KIAA2012: variants seen among roughly 807,000 people sequenced by gnomAD.
The protein encoded by KIAA2012 is KIAA2012, also known as uncharacterized protein KIAA2012.
Under a neutral mutation model 150.6 loss-of-function variants are expected in KIAA2012, and 125 were observed. That is an observed-to-expected ratio of 0.83 (90% CI 0.72 to 0.96). KIAA2012 has a LOEUF of 0.96. Among genes scored for constraint, KIAA2012 ranks in the 40% least tolerant of loss-of-function variants. The probability of loss-of-function intolerance (pLI) is 0.00; values close to 1 mark genes in which losing one functional copy is unlikely to be tolerated. For missense variants in KIAA2012, 1,219 were observed against 1,354.9 expected (o/e 0.90, Z 1.57); for synonymous variants, 462 against 504.7 (o/e 0.92, Z 1.13).
intron 15 of KIAA2012, among the ~76,000 whole-genome samples, chr2:202,171,996 G>C (rs1243182225): frequency 6.6e-6 from 1 of 152,108 alleles, no homozygotes. Flanking sequence ...GCAGGCGCCT[G>C]CCACCACGCC....
At position 202,099,659 on chromosome 2, in the gene KIAA2012, G is replaced by T; in HGVS notation, c.875G>T (p.Ser292Ile). The T allele has an allele frequency of 6.4e-7, 1 of 1,550,460 alleles. No homozygotes were observed. Among genetic ancestry groups the T allele is most frequent in the Non-Finnish European group, 8.7e-7 (1 of 1,146,906 alleles). ...NHLCLYASKESYNEKTQQTSR... is the reference protein window; with the variant it reads ...NHLCLYASKEIYNEKTQQTSR... ...CTTTGTTTATATGCTTCAAAGGAGA[G>T]CTACAATGAAAAGACACAGCAAACC... Residue 292 changes from serine to isoleucine, a missense_variant, in exon 6 of 24, where the codon AGC becomes ATC. Transcript: ENST00000498697.
chr2:202,153,323 C>T (rs1691463767), intron 13 of KIAA2012, among the ~76,000 whole-genome samples: 1 of 152,104 alleles, frequency 6.6e-6, no homozygotes, highest in South Asian at 2.1e-4. Context: ...GGGAGGTGCT[C>T]ATGCTCTGGG....
chr2:202,089,640 C>T (rs1689666358), intron 2 of KIAA2012, among the ~76,000 whole-genome samples: 1 of 152,206 alleles, frequency 6.6e-6, no homozygotes, highest in Admixed American at 6.5e-5. Context: ...CTCACTGGAA[C>T]ACTGTGTGGA....
In KIAA2012 at chr2:202,193,331, G is replaced by T; in HGVS notation, c.2842G>T (p.Ala948Ser). Residue 948 changes from alanine (A) to serine (S), a missense_variant, in exon 20 of 24, where the codon GCT becomes TCT. Transcript: ENST00000498697. ...CCTCACTAAGAGGGAGCAGGAGAAGGCTTCCTGGGACAGGCTTCGAGCAGA... is the reference window on the plus strand; with the variant it reads ...CCTCACTAAGAGGGAGCAGGAGAAGTCTTCCTGGGACAGGCTTCGAGCAGA... ...ALLTKREQEKASWDRLRAERA... is the reference protein window; with the variant it reads ...ALLTKREQEKSSWDRLRAERA... 2 of 1,549,974 alleles carry T rather than the reference G, an allele frequency of 1.3e-6. No homozygotes were observed. The highest frequency in any genetic ancestry group is 1.7e-6 in the Non-Finnish European group (2 of 1,146,824).
chr2:202,123,172 A>G (rs1690696560), intron 11 of KIAA2012, among the ~76,000 whole-genome samples: 1 of 152,174 alleles, frequency 6.6e-6, no homozygotes, highest in Non-Finnish European at 1.5e-5. Flanking sequence ...GCTACGAGGC[A>G]AAGGGCAGGG....
Position 202,196,876 on chromosome 2 carries a change from A to C in KIAA2012, c.3264A>C (p.Glu1088Asp), listed in dbSNP as rs1436711204. 1.9e-6 allele frequency: 3 copies of C among 1,550,788 alleles called. No individual in the cohort carries two copies. The highest frequency in any genetic ancestry group is 4.9e-5 in the East Asian group (2 of 40,926). ...EEQKHLMEMA[E>D]EERLEYQRRK... is the part of the protein sequence containing the mutation. ...AAAAACACCTGATGGAAATGGCTGAAGAGGAACGACTGGAGTACCAGCGGC... is the reference window on the plus strand; with the variant it reads ...AAAAACACCTGATGGAAATGGCTGACGAGGAACGACTGGAGTACCAGCGGC... Residue 1088 changes from glutamate to aspartate, a missense_variant, in exon 22 of 24, where the codon GAA (glutamate) becomes GAC (aspartate). Transcript: ENST00000498697.
intron 10 of KIAA2012, among the ~76,000 whole-genome samples, chr2:202,110,016 T>G (rs535087271): frequency 1.9e-4 from 29 of 152,320 alleles, no homozygotes; most frequent in Non-Finnish European, 2.9e-5. Flanking sequence ...TGCTACGCTG[T>G]TTTGGGCTTT....
intron 13 of KIAA2012, 106 bp downstream of exon 13, chr2:202,138,614 C>T: frequency 1.4e-6 from 1 of 711,956 alleles, no homozygotes; most frequent in South Asian, 1.9e-5. Context: ...CTCTCTGGGC[C>T]TCATTTGCCT....
intron 11 of KIAA2012, among the ~76,000 whole-genome samples, chr2:202,118,720 A>C (rs982895817): frequency 1.3e-5 from 2 of 152,178 alleles, no homozygotes; most frequent in Non-Finnish European, 2.9e-5. Flanking sequence ...GAGAGATTGT[A>C]GAAGGGCAGG....
In KIAA2012 at chr2:202,196,948, G is replaced by A. The variant is rs1336606586; in HGVS notation, c.3336G>A (p.Arg1112=). Residue 1112 remains arginine (R), a synonymous_variant, in exon 22 of 24, where the codon AGG becomes AGA. Transcript: ENST00000498697. Reference sequence around the variant, plus strand: ...AGGCTCGGCTGGAGGCAGAGGAGAGGAGGCAAAAAGAAGAGGAAGCAGCAA... The same window carrying A: ...AGGCTCGGCTGGAGGCAGAGGAGAGAAGGCAAAAAGAAGAGGAAGCAGCAA... ...EEKARLEAEE[R]RQKEEEAARL... 1 of 1,550,638 alleles carries A rather than the reference G, an allele frequency of 6.4e-7. No homozygotes were observed. The highest frequency in any genetic ancestry group is 2.0e-5 in the Admixed American group (1 of 51,008).
Position 202,194,867 on chromosome 2 carries a change from C to G in KIAA2012, c.3187+505C>G, listed in dbSNP as rs149118763. Among the ~76,000 whole-genome samples the G allele has an allele frequency of 1.1e-3, 171 of 152,258 alleles. 5 individuals are homozygous for G. The East Asian group carries it at 0.031, about 27-fold the overall frequency. On this transcript the variant is annotated intron_variant, in intron 21 of 23. Coordinates refer to ENST00000498697, the MANE Select transcript of KIAA2012 (RefSeq NM_001277372.4). ...CACTGCAACCTCTGCCTCCCAGGTT[C>G]AAGCAGTTCTCCTGCCTCAGCCTTC...
At chr2:202,187,500 T>G (rs1692251689) in intron 17 of KIAA2012, among the ~76,000 whole-genome samples, 1 of 152,118 alleles carries the variant, frequency 6.6e-6, no homozygotes, top group Non-Finnish European at 1.5e-5. Flanking sequence ...ACAGCCAGGG[T>G]TTCACCATGT....
At chr2:202,079,604 T>C (rs1029628241) in intron 2 of KIAA2012, among the ~76,000 whole-genome samples, 3 of 152,240 alleles carry the variant, frequency 2.0e-5, no homozygotes, top group African/African-American at 7.2e-5. Flanking sequence ...ACCCTTGAAC[T>C]TTCTTGATGG....
Position 202,113,356 on chromosome 2 carries a change from C to T in KIAA2012, c.1672C>T (p.Leu558=). ...TCAAGAAGATTCCAGCGACCCTACA[C>T]TGGGACACTTCTTGCTGGGTCCAGA... is the stretch of plus-strand genomic sequence containing the variant. ...AAQEDSSDPT[L]GHFLLGPDGE... Residue 558 remains leucine (L), a synonymous_variant, in exon 11 of 24, where the codon CTG becomes TTG. Coordinates refer to ENST00000498697, the MANE Select transcript of KIAA2012 (RefSeq NM_001277372.4). 1.3e-6 allele frequency: 2 copies of T among 1,550,796 alleles called. No homozygotes were observed. Among genetic ancestry groups the T allele is most frequent in the Non-Finnish European group, 1.7e-6 (2 of 1,146,990 alleles).
chr2:202,089,630 C>G (rs1169115812), intron 2 of KIAA2012, among the ~76,000 whole-genome samples: 1 of 152,214 alleles, frequency 6.6e-6, no homozygotes, highest in South Asian at 2.1e-4. Flanking sequence ...CATGCCAGTT[C>G]TCACTGGAAC....
In KIAA2012 at chr2:202,179,992, G is replaced by A. The variant is rs185741535; in HGVS notation, c.2120-4761G>A. ...TTAAGATTACTTGGCTGCCAGCCGG[G>A]TGGGCGCGGTGGCTCATGCCTGTAA... On this transcript the variant is annotated intron_variant, in intron 15 of 23. Coordinates refer to ENST00000498697, the MANE Select transcript of KIAA2012 (RefSeq NM_001277372.4). 9.6e-5 allele frequency: 58 copies of A among 605,330 alleles called. 1 individual carries two copies. In the East Asian group the frequency reaches 2.7e-3, roughly 29 times the overall value. 37.5% of individuals were successfully genotyped at this position (605,330 alleles called of 1,614,324 possible).
chr2:202,130,402 G>A (rs1319722960), intron 12 of KIAA2012, among the ~76,000 whole-genome samples: 1 of 152,162 alleles, frequency 6.6e-6, no homozygotes, highest in Non-Finnish European at 1.5e-5. Context: ...CCTTGCCCAA[G>A]TAGTGAAGTA....
chr2:202,075,820 T>A (rs1208022425), intron 2 of KIAA2012, among the ~76,000 whole-genome samples: 2 of 152,264 alleles, frequency 1.3e-5, no homozygotes, highest in Non-Finnish European at 2.9e-5. Flanking sequence ...AAATTCTAGG[T>A]TAGAAATGGT....
intron 15 of KIAA2012, among the ~76,000 whole-genome samples, chr2:202,174,803 T>A (rs866650660): frequency 6.6e-6 from 1 of 152,220 alleles, no homozygotes; most frequent in South Asian, 2.1e-4. Flanking sequence ...TGACTTTTTT[T>A]ATTATTATTA....
Sources: gnomAD v4.1 joint callset for allele counts (sites outside exome capture counted in the v4.1 genomes callset) on GRCh38, gnomAD v4.1.1 for gene constraint, MANE v1.5 for transcripts, NCBI Gene and HGNC (gene_info 2026-07-23, HGNC 2026-07-21) for gene names.